Variants in PPP2R2A observed in about 807,000 individuals in gnomAD.
PPP2R2A encodes protein phosphatase 2 regulatory subunit Balpha.
A neutral mutation model predicts 53.2 loss-of-function variants in PPP2R2A; 9 were observed. The ratio of observed to expected loss-of-function variants is 0.17; its 90% CI spans 0.10 to 0.30. The LOEUF (loss-of-function observed/expected upper bound fraction) is 0.30. Ranked by LOEUF, PPP2R2A falls within the 10% of genes least tolerant of loss-of-function variation. PPP2R2A has a pLI of 1.00. For missense variants in PPP2R2A, 235 were observed against 534.6 expected (o/e 0.44, Z 5.53); for synonymous variants, 169 against 174.2 (o/e 0.97, Z 0.23).
At position 26,354,913 on chromosome 8, in the gene PPP2R2A, T is replaced by G. The variant is rs955187341; in HGVS notation, c.346+280T>G. Among the ~76,000 whole-genome samples the G allele has an allele frequency of 6.6e-6, 1 of 152,218 alleles. No individual in the cohort carries two copies. The highest frequency in any genetic ancestry group is 1.5e-5 in the Non-Finnish European group (1 of 68,032). On this transcript the variant is annotated intron_variant, in intron 4 of 9. Coordinates refer to ENST00000380737, the MANE Select transcript of PPP2R2A (RefSeq NM_002717.4). The surrounding 1 kb of genome is among the most constrained non-coding windows in gnomAD (Gnocchi z 4.6). ...GGTCAGGTAATATTTCTGTCATTTC[T>G]CAGTCTCGTAATCTTGGGCAGGTTA... is the stretch of plus-strand genomic sequence containing the variant.
chr8:26,316,999 T>G (rs1167604089), intron 2 of PPP2R2A, among the ~76,000 whole-genome samples: 1 of 152,240 alleles, frequency 6.6e-6, no homozygotes, highest in Non-Finnish European at 1.5e-5. Context: ...GAAGATGATT[T>G]GTCTTGAAAC....
chr8:26,367,989 AG>A (rs1161395285), intron 9 of PPP2R2A, among the ~76,000 whole-genome samples: 2 of 152,238 alleles, frequency 1.3e-5, no homozygotes, highest in African/African-American at 4.8e-5. Context: ...GTTATTTTAT[AG>A]AATGTTTCCT....
In PPP2R2A at chr8:26,360,316, C is replaced by A. The variant is rs769725434; in HGVS notation, c.459+35C>A. On this transcript the variant is annotated intron_variant, in intron 5 of 9. Transcript: ENST00000380737. The surrounding 1 kb of genome is among the most constrained non-coding windows in gnomAD (Gnocchi z 4.5). Reference sequence around the variant, plus strand: ...TAAGAAAAAAATGTCACAGATAGTGCTTGTATTCATATTATATAGCCCAAA... The same window carrying A: ...TAAGAAAAAAATGTCACAGATAGTGATTGTATTCATATTATATAGCCCAAA... 5 of 1,299,622 alleles carry A rather than the reference C, an allele frequency of 3.8e-6. No individual in the cohort carries two copies. The highest frequency in any genetic ancestry group is 5.5e-6 in the Non-Finnish European group (5 of 912,762). The allele number at this position is 1,299,622 out of a possible 1,614,324, so 80.5% of individuals were successfully genotyped here. A position where few individuals can be genotyped will look rare whatever the true frequency, so the allele number is the denominator to read the frequency against.
At chr8:26,305,534 G>A (rs913634753) in intron 2 of PPP2R2A, among the ~76,000 whole-genome samples, 1 of 152,104 alleles carries the variant, frequency 6.6e-6, no homozygotes, top group Non-Finnish European at 1.5e-5. Flanking sequence ...TGGGGAGGGG[G>A]CAGAGCTAAG....
At chr8:26,323,432 G>C (rs1802939480) in intron 2 of PPP2R2A, among the ~76,000 whole-genome samples, 1 of 152,158 alleles carries the variant, frequency 6.6e-6, no homozygotes, top group Admixed American at 6.5e-5. Flanking sequence ...CAGGTTGAGG[G>C]GGCTCGGTCC....
At chr8:26,315,132 A>G (rs1045828655) in intron 2 of PPP2R2A, among the ~76,000 whole-genome samples, 11 of 151,952 alleles carry the variant, frequency 7.2e-5, no homozygotes, top group Non-Finnish European at 1.0e-4. Flanking sequence ...CTGAGCATCT[A>G]TTTCCTTTGA....
intron 2 of PPP2R2A, among the ~76,000 whole-genome samples, chr8:26,299,392 A>G (rs1027425178): frequency 1.3e-5 from 2 of 152,222 alleles, no homozygotes; most frequent in Non-Finnish European, 2.9e-5. Flanking sequence ...TCATCTGCAT[A>G]TTTGATAGTC....
chr8:26,369,969 G>A lies in PPP2R2A; in HGVS notation c.1065-165G>A, dbSNP rs544366603. On this transcript the variant is annotated intron_variant, in intron 9 of 9. Transcript: ENST00000380737. ...GCAGAAAACCCAGTTAATTAGTACC[G>A]TATTTCTGGTTTATTCTAGTGATTG... Among the ~76,000 whole-genome samples the A allele has an allele frequency of 5.3e-5, 8 of 152,290 alleles. No homozygotes were observed. The South Asian group carries it at 1.5e-3, about 28-fold the overall frequency.
At chr8:26,292,048 G>C in intron 1 of PPP2R2A, 1 of 1,240,342 alleles carries the variant, frequency 8.1e-7, no homozygotes. Flanking sequence ...TGGCGCCGTG[G>C]CGGGGGTGGG....
intron 3 of PPP2R2A, among the ~76,000 whole-genome samples, chr8:26,350,195 C>T (rs929375122): frequency 1.3e-5 from 2 of 152,110 alleles, no homozygotes; most frequent in African/African-American, 2.4e-5. Context: ...TCCCAAGTAG[C>T]TGGGATTACA....
chr8:26,293,167 A>T, intron 1 of PPP2R2A: 1 of 1,413,528 alleles, frequency 7.1e-7, no homozygotes, highest in Non-Finnish European at 9.6e-7. Flanking sequence ...AATGAATGCA[A>T]AGAAATGGGT....
intron 2 of PPP2R2A, among the ~76,000 whole-genome samples, chr8:26,295,457 A>G (rs1036393633): frequency 5.3e-5 from 8 of 152,248 alleles, no homozygotes; most frequent in Admixed American, 2.0e-4. Flanking sequence ...AAAGCAACTT[A>G]TAACAAAACC....
chr8:26,363,083 G>A, intron 7 of PPP2R2A: 4 of 399,038 alleles, frequency 1.0e-5, no homozygotes, highest in South Asian at 3.8e-5. Context: ...ATGGAATGCT[G>A]TTGTTCTTTG....
rs77527363 is a variant in PPP2R2A, at chr8:26,362,340, CA to C, written c.638-329del. Among the ~76,000 whole-genome samples, 2,789 of 122,902 alleles carry C rather than the reference CA, an allele frequency of 0.023. 24 individuals are homozygous for C. The highest frequency in any genetic ancestry group is 0.055 in the Middle Eastern group (14 of 256). 80.6% of individuals were successfully genotyped at this position (122,902 alleles called of 152,430 possible). A position where few individuals can be genotyped will look rare whatever the true frequency, so the allele number is the denominator to read the frequency against. ...TGAAACCCCGTCTCTACTAAAAATA[CA>C]AAAAAAAAAAAAAATTAGTCAGTTG... On this transcript the variant is annotated intron_variant, in intron 6 of 9. Coordinates refer to ENST00000380737, the MANE Select transcript of PPP2R2A (RefSeq NM_002717.4). This position sits in a 1 kb window ranked among gnomAD's most constrained non-coding sequence, Gnocchi z 4.4.
rs147815592 is a variant in PPP2R2A at position 26,338,799 on chromosome 8, T to C, written c.83-91T>C. ...ACTTCAAAGATATACTTCATAGACT[T>C]GGAATGTTTGGGAAAACACGCTAAG... On this transcript the variant is annotated intron_variant, in intron 2 of 9. Transcript: ENST00000380737. The surrounding 1 kb of genome is among the most constrained non-coding windows in gnomAD (Gnocchi z 4.5). 9 of 789,968 alleles carry C rather than the reference T, an allele frequency of 1.1e-5. No homozygotes were observed. In the East Asian group the frequency reaches 2.4e-4, roughly 21 times the overall value. The allele number at this position is 789,968 out of a possible 1,614,324, so 48.9% of individuals were successfully genotyped here.
intron 4 of PPP2R2A, among the ~76,000 whole-genome samples, chr8:26,357,491 T>G (rs1312114412): frequency 6.6e-6 from 1 of 152,198 alleles, no homozygotes; most frequent in African/African-American, 2.4e-5. Context: ...TTGAGTTAAT[T>G]TAATGTTCCT....
At chr8:26,302,066 G>A (rs541221753) in intron 2 of PPP2R2A, among the ~76,000 whole-genome samples, 48 of 152,332 alleles carry the variant, frequency 3.2e-4, no homozygotes, top group African/African-American at 1.2e-3. Context: ...TCTGCAAGGG[G>A]GTAAAGTGGT....
Position 26,371,935 on chromosome 8 carries a change from ATAT to A in PPP2R2A, c.*1528_*1530del, listed in dbSNP as rs1320699051. The A allele has an allele frequency of 2.0e-5, 3 of 152,346 alleles. No individual in the cohort carries two copies. The East Asian group carries it at 5.8e-4, about 29-fold the overall frequency. The allele number at this position is 152,346 out of a possible 1,614,324, so 9.4% of individuals were successfully genotyped here. On this transcript the variant is annotated 3_prime_UTR_variant, in exon 10 of 10. Coordinates refer to ENST00000380737, the MANE Select transcript of PPP2R2A (RefSeq NM_002717.4). ...TGAAAGGTGAAATGAACAGGCATTT[ATAT>A]TATTAGAGAATGGTAGTCTTATTTT...
chr8:26,361,587 C>T (rs1585407926), intron 6 of PPP2R2A, among the ~76,000 whole-genome samples: 2 of 152,028 alleles, frequency 1.3e-5, no homozygotes, highest in East Asian at 3.9e-4. Flanking sequence ...GCTTGGATGA[C>T]AGAGCAACAC....
Sources: gnomAD v4.1 joint callset for allele counts (sites outside exome capture counted in the v4.1 genomes callset) on GRCh38, gnomAD v4.1.1 for gene constraint, Gnocchi (gnomAD v3.1) non-coding constraint, MANE v1.5 for transcripts, NCBI Gene and HGNC (gene_info 2026-07-23, HGNC 2026-07-21) for gene names.